The following TRA2B variants were observed in gnomAD, a reference collection of about 807,000 sequenced individuals.
TRA2B encodes transformer-2 protein homolog beta.
TRA2B carries 14 observed loss-of-function variants against 41.7 expected under a neutral mutation model. The observed-to-expected ratio is 0.34, with a 90% confidence interval of 0.22 to 0.53. TRA2B has a LOEUF of 0.53. Ranked by LOEUF, TRA2B falls within the 20% of genes least tolerant of loss-of-function variation. The pLI is 0.95. For synonymous variants in TRA2B, 130 were observed against 128.8 expected (o/e 1.01, Z -0.06); for missense variants, 167 against 396.8 (o/e 0.42, Z 4.92).
At chr3:185,936,426 ACT>A (rs1488790146) in intron 1 of TRA2B, 1 of 985,050 alleles carries the variant, frequency 1.0e-6, no homozygotes, top group Non-Finnish European at 1.2e-6. Context: ...AAAACTAAAA[ACT>A]CTATGCTCAT....
chr3:185,934,225 T>C (rs1417678896), intron 1 of TRA2B, among the ~76,000 whole-genome samples: 1 of 152,152 alleles, frequency 6.6e-6, no homozygotes, highest in Non-Finnish European at 1.5e-5. Flanking sequence ...CAACATAAAA[T>C]GCTAAGGCTC....
At position 185,923,868 on chromosome 3, in the gene TRA2B, T is replaced by C. The variant is rs764941323; in HGVS notation, c.450A>G (p.Val150=). The stretch of plus-strand genomic sequence containing the variant: ...TTGAACGCCTAGACTGCTGGTCATA[T>C]ACAATAGACACATCGGCAATGGGAC... ...KYGPIADVSI[V]YDQQSRRSRG... Residue 150 remains valine (V), a synonymous_variant, in exon 4 of 9, where the codon GTA becomes GTG. Coordinates refer to ENST00000453386, the MANE Select transcript of TRA2B (RefSeq NM_004593.3). 1.2e-6 allele frequency: 2 copies of C among 1,614,060 alleles called. No homozygotes were observed. Among genetic ancestry groups the C allele is most frequent in the South Asian group, 1.1e-5 (1 of 91,068 alleles).
At chr3:185,925,909 T>TTG (rs1743931718) in intron 2 of TRA2B, among the ~76,000 whole-genome samples, 1 of 152,240 alleles carries the variant, frequency 6.6e-6, no homozygotes, top group African/African-American at 2.4e-5. Context: ...CTAGCTTGGC[T>TTG]TGTGCCCATC....
At position 185,914,727 on chromosome 3, in the gene TRA2B, TGA is replaced by T. The variant is rs1368780535; in HGVS notation, c.*2986_*2987del. On this transcript the variant is annotated 3_prime_UTR_variant, in exon 9 of 9. Coordinates refer to ENST00000453386, the MANE Select transcript of TRA2B (RefSeq NM_004593.3). ...CCTACAAGAGCCAATCAAAATCCAC[TGA>T]GATGGCATGCTGAAGGAATATTGGA... 1.3e-5 allele frequency among the ~76,000 whole-genome samples: 2 copies of T among 151,968 alleles called. No individual in the cohort carries two copies. Among genetic ancestry groups the T allele is most frequent in the Non-Finnish European group, 2.9e-5 (2 of 68,026 alleles).
At chr3:185,928,700 G>A (rs1017261137) in intron 1 of TRA2B, 2 of 152,260 alleles carry the variant, frequency 1.3e-5, no homozygotes, top group South Asian at 2.1e-4. Flanking sequence ...TTACCTCTAT[G>A]GAAATGAAAC....
At chr3:185,931,442 A>G (rs1056287340) in intron 1 of TRA2B, 1 of 586,996 alleles carries the variant, frequency 1.7e-6, no homozygotes, top group Non-Finnish European at 2.2e-6. Flanking sequence ...TAAGCAGTTA[A>G]AATCAGAATT....
At chr3:185,920,798 G>C (rs1743703706) in intron 6 of TRA2B, among the ~76,000 whole-genome samples, 1 of 151,898 alleles carries the variant, frequency 6.6e-6, no homozygotes, top group Non-Finnish European at 1.5e-5. Context: ...TGAAGTGTTG[G>C]GATTACAGGC....
chr3:185,925,262 A>G (rs1030310505), intron 3 of TRA2B: 20 of 541,166 alleles, frequency 3.7e-5, no homozygotes, highest in Non-Finnish European at 5.1e-5. Context: ...TTGTGTCAGT[A>G]TTATGCTTAA....
intron 6 of TRA2B, among the ~76,000 whole-genome samples, chr3:185,920,731 C>CGG (rs1404249617): frequency 6.6e-6 from 1 of 151,988 alleles, no homozygotes; most frequent in Non-Finnish European, 1.5e-5. Flanking sequence ...CTGGTAGAGA[C>CGG]GGGGTTCACC....
chr3:185,933,052 GCTTT>G (rs1744210725), intron 1 of TRA2B, among the ~76,000 whole-genome samples: 2 of 151,992 alleles, frequency 1.3e-5, no homozygotes, highest in Admixed American at 1.3e-4. Context: ...ACAGTAATTG[GCTTT>G]CTTTAAATCT....
intron 1 of TRA2B, chr3:185,936,587 TA>T: frequency 6.1e-6 from 6 of 985,278 alleles, no homozygotes; most frequent in Non-Finnish European, 7.2e-6. Context: ...AAAAGTTTGC[TA>T]AGACATTTAA....
In TRA2B at chr3:185,918,422, G is replaced by T. The variant is rs540961991; in HGVS notation, c.799C>A (p.Pro267Thr). The T allele has an allele frequency of 6.2e-7, 1 of 1,613,506 alleles. No individual in the cohort carries two copies. Among genetic ancestry groups the T allele is most frequent in the African/African-American group, 1.3e-5 (1 of 75,032 alleles). Residue 267 changes from proline (P) to threonine (T), a missense_variant, in exon 8 of 9, where the codon CCT (proline) becomes ACT (threonine). Physicochemically the swap from Pro to Thr is conservative, Grantham distance 38. Transcript: ENST00000453386. The part of the protein sequence containing the change: ...DQIYRRRSPS[P>T]YYSRGGYRSR... ...CTGTATCCTCCACGACTATAGTAAG[G>T]AGAAGGTGACCGCCTTCTATAAACA...
At chr3:185,936,121 G>A in intron 1 of TRA2B, 1 of 985,248 alleles carries the variant, frequency 1.0e-6, no homozygotes, top group Non-Finnish European at 1.2e-6. Flanking sequence ...CATTCTTCAC[G>A]TGTATTCAAT....
chr3:185,935,226 T>G (rs1423060064), intron 1 of TRA2B: 5 of 985,042 alleles, frequency 5.1e-6, no homozygotes, highest in Non-Finnish European at 6.0e-6. Context: ...GGGGGAAGAG[T>G]CTTGAATCCG....
rs1031937250 is a variant in TRA2B, at chr3:185,936,256, A to T, written c.36+1569T>A. 5 of 985,282 alleles carry T rather than the reference A, an allele frequency of 5.1e-6. No individual in the cohort carries two copies. In the African/African-American group the frequency reaches 8.7e-5, roughly 17 times the overall value. 61.0% of individuals were successfully genotyped at this position (985,282 alleles called of 1,614,324 possible). Reference sequence around the variant, plus strand: ...CGCTTACTTTGCAGTCCAAACACCAATGACTGTTATAACAGATTCAACTGC... The same window carrying T: ...CGCTTACTTTGCAGTCCAAACACCATTGACTGTTATAACAGATTCAACTGC... On this transcript the variant is annotated intron_variant, in intron 1 of 8. Coordinates refer to ENST00000453386, the MANE Select transcript of TRA2B (RefSeq NM_004593.3).
At chr3:185,933,378 T>A (rs1744221395) in intron 1 of TRA2B, among the ~76,000 whole-genome samples, 1 of 152,214 alleles carries the variant, frequency 6.6e-6, no homozygotes, top group Admixed American at 6.5e-5. Context: ...GTGGCTACTT[T>A]ATAAAACCAG....
At chr3:185,923,566 G>A in intron 4 of TRA2B, 1 of 364,886 alleles carries the variant, frequency 2.7e-6, no homozygotes, top group Middle Eastern at 7.2e-4. Context: ...CGGAATTGGG[G>A]TATAGTTGAC....
rs200048131 is a variant in TRA2B at position 185,924,001 on chromosome 3, G to C, written c.334-17C>G. Reference sequence around the variant, plus strand: ...AGGATTTGCCTAGGGAAAAAAAAAAGTTTTAAACTTTGGAAAAGTTGTCAT... The same window carrying C: ...AGGATTTGCCTAGGGAAAAAAAAAACTTTTAAACTTTGGAAAAGTTGTCAT... On this transcript the variant is annotated splice_polypyrimidine_tract_variant and intron_variant, in intron 3 of 8. Coordinates refer to ENST00000453386, the MANE Select transcript of TRA2B (RefSeq NM_004593.3). The C allele has an allele frequency of 2.0e-3, 3,229 of 1,577,372 alleles. 8 individuals are homozygous for C. Among genetic ancestry groups the C allele is most frequent in the Non-Finnish European group, 2.5e-3 (2,866 of 1,166,946 alleles).
chr3:185,926,694 G>A lies in TRA2B; in HGVS notation c.77C>T (p.Ser26Leu). The change falls in exon 2 of 9, where the codon TCG becomes TTG. Residue 26 changes from serine to leucine, a missense_variant. Coordinates refer to ENST00000453386, the MANE Select transcript of TRA2B (RefSeq NM_004593.3). ...AGGGGTATGCCTTGCAGATTTCCCC[G>A]ATCCGTGAGCACTTCCACTTCTGGA... ...SASRSGSAHG[S>L]GKSARHTPAR... The A allele has an allele frequency of 1.2e-6, 2 of 1,614,080 alleles. No individual in the cohort carries two copies. The highest frequency in any genetic ancestry group is 1.7e-6 in the Non-Finnish European group (2 of 1,180,006).
Sources: allele counts gnomAD v4.1 joint callset (sites outside exome capture counted in the v4.1 genomes callset), GRCh38; gene constraint gnomAD v4.1.1; transcripts MANE v1.5; gene names NCBI Gene and HGNC (gene_info 2026-07-23, HGNC 2026-07-21).